The following PRPF40B variants were observed in gnomAD, a reference collection of about 807,000 sequenced individuals.
PRPF40B encodes the protein pre-mRNA processing factor 40B.
PRPF40B carries 56 observed loss-of-function variants against 124.5 expected under a neutral mutation model. That is an observed-to-expected ratio of 0.45 (90% CI 0.36 to 0.56). The LOEUF is 0.56. Ranked by LOEUF, PRPF40B falls within the 20% of genes least tolerant of loss-of-function variation. The pLI is 0.00. For missense variants in PRPF40B, 1,053 were observed against 1,169.5 expected, an observed-to-expected ratio of 0.90 and a Z score of 1.45; for synonymous variants, 443 against 426.4, an observed-to-expected ratio of 1.04 and a Z score of -0.48.
Position 49,635,753 on chromosome 12 carries a change from C to T in PRPF40B, c.1276-90C>T. Reference sequence around the variant, plus strand: ...AGTATGGCCTTCTTCCTAGGGTTCCCTAGCTACCTTTCCCCAGGTCCTCCT... The same window carrying T: ...AGTATGGCCTTCTTCCTAGGGTTCCTTAGCTACCTTTCCCCAGGTCCTCCT... On this transcript the variant is annotated intron_variant, in intron 14 of 25. Transcript: ENST00000548825. The surrounding 1 kb of genome is among the most constrained non-coding windows in gnomAD (Gnocchi z 4.1). 3 of 1,515,700 alleles carry T rather than the reference C, an allele frequency of 2.0e-6. No homozygotes were observed. Among genetic ancestry groups the T allele is most frequent in the Non-Finnish European group, 2.7e-6 (3 of 1,113,348 alleles). The allele number at this position is 1,515,700 out of a possible 1,614,324, so 93.9% of individuals were successfully genotyped here. A position where few individuals can be genotyped will look rare whatever the true frequency, so the allele number is the denominator to read the frequency against.
intron 4 of PRPF40B, chr12:49,632,316 A>G (rs1941300075): frequency 1.8e-6 from 1 of 567,774 alleles, no homozygotes; most frequent in African/African-American, 1.9e-5. Flanking sequence ...TCTGGGTAGG[A>G]TATAGAATTT....
In PRPF40B at chr12:49,642,416, G is replaced by A; in HGVS notation, c.2022+44G>A. ...CCCCAAGCACCCCTCAAGCCTGAGG[G>A]CAGCGGTGCTTCACCACTGAGGGCC... On this transcript the variant is annotated intron_variant, in intron 20 of 25. Transcript: ENST00000548825. The surrounding 1 kb of genome is among the most constrained non-coding windows in gnomAD (Gnocchi z 5.8). 2 of 1,605,038 alleles carry A rather than the reference G, an allele frequency of 1.2e-6. No individual in the cohort carries two copies. Among genetic ancestry groups the A allele is most frequent in the Non-Finnish European group, 1.7e-6 (2 of 1,173,422 alleles).
chr12:49,631,359 A>T lies in PRPF40B; in HGVS notation c.85-42A>T, dbSNP rs1941204137. 7.0e-7 allele frequency: 1 copy of T among 1,435,250 alleles called. No homozygotes were observed. Among genetic ancestry groups the T allele is most frequent in the Non-Finnish European group, 9.3e-7 (1 of 1,079,736 alleles). The allele number at this position is 1,435,250 out of a possible 1,614,324, so 88.9% of individuals were successfully genotyped here. A position where few individuals can be genotyped will look rare whatever the true frequency, so the allele number is the denominator to read the frequency against. On this transcript the variant is annotated intron_variant, in intron 2 of 25. Coordinates refer to ENST00000548825, the MANE Select transcript of PRPF40B (RefSeq NM_001031698.3). This position sits in a 1 kb window ranked among gnomAD's most constrained non-coding sequence, Gnocchi z 4.3. Reference sequence around the variant, plus strand: ...GGTCCTCTCTACCTCTGACAAGGCGATGTCTTCCCTGCTCAGTATCTCTTC... The same window carrying T: ...GGTCCTCTCTACCTCTGACAAGGCGTTGTCTTCCCTGCTCAGTATCTCTTC...
Position 49,643,262 on chromosome 12 carries a change from C to G in PRPF40B, c.2245C>G (p.Leu749Val), listed in dbSNP as rs376434775. Residue 749 changes from leucine to valine, a missense_variant, in exon 23 of 26, where the codon CTC becomes GTC. This residue lies in a region of PRPF40B where 895 missense variants were observed against 1,052.2 expected (regional missense o/e 0.85). Transcript: ENST00000548825. ...SEEEELPPPS[L>V]RPPKRRRRNP... ...AGAAGAGGAGCTGCCCCCACCATCT[C>G]TCCGGCCCCCCAAGCGGAGGAGGCG... is the stretch of plus-strand genomic sequence containing the variant. 20 of 1,614,118 alleles carry G rather than the reference C, an allele frequency of 1.2e-5. No individual in the cohort carries two copies. The highest frequency in any genetic ancestry group is 1.7e-5 in the Non-Finnish European group (20 of 1,180,036).
In PRPF40B at chr12:49,635,360, C is replaced by T. The variant is rs1016788175; in HGVS notation, c.1167-5C>T. Reference sequence around the variant, plus strand: ...CTACCTACTCACAGCTTATATGCTCCACAGGCGGGCAGAACAGACCTTTGG... The same window carrying T: ...CTACCTACTCACAGCTTATATGCTCTACAGGCGGGCAGAACAGACCTTTGG... On this transcript the variant is annotated splice_polypyrimidine_tract_variant and splice_region_variant and intron_variant, in intron 13 of 25. Transcript: ENST00000548825. The surrounding 1 kb of genome is among the most constrained non-coding windows in gnomAD (Gnocchi z 4.1). 1.2e-6 allele frequency: 2 copies of T among 1,612,618 alleles called. No individual in the cohort carries two copies. The highest frequency in any genetic ancestry group is 1.7e-6 in the Non-Finnish European group (2 of 1,179,262).
rs368213608 is a variant in PRPF40B at position 49,643,695 on chromosome 12, T to C, written c.2385T>C (p.His795=). 1.9e-6 allele frequency: 3 copies of C among 1,614,040 alleles called. No homozygotes were observed. Among genetic ancestry groups the C allele is most frequent in the Non-Finnish European group, 2.5e-6 (3 of 1,179,980 alleles). Residue 795 remains histidine (H), a synonymous_variant, in exon 24 of 26, where the codon CAT becomes CAC. Coordinates refer to ENST00000548825, the MANE Select transcript of PRPF40B (RefSeq NM_001031698.3). ...SPSSHLLGAD[H]GLRKAKKPKK... is the part of the protein sequence containing the mutation. Reference sequence around the variant, plus strand: ...TAGGGATTTTTCTATCTCTAGATCATGGCCTTCGGAAAGCCAAGAAACCAA... The same window carrying C: ...TAGGGATTTTTCTATCTCTAGATCACGGCCTTCGGAAAGCCAAGAAACCAA...
rs148071391 is a variant in PRPF40B at position 49,635,929 on chromosome 12, G to A, written c.1362G>A (p.Thr454=). Reference sequence around the variant, plus strand: ...TGAGTAGTGTCAACTTCCAAACCACGTGGTCCCAGGCCCAGCAGTACCTCA... The same window carrying A: ...TGAGTAGTGTCAACTTCCAAACCACATGGTCCCAGGCCCAGCAGTACCTCA... ...DGMSSVNFQT[T]WSQAQQYLMD... Residue 454 remains threonine, a synonymous_variant, in exon 15 of 26, where the codon ACG becomes ACA. Coordinates refer to ENST00000548825, the MANE Select transcript of PRPF40B (RefSeq NM_001031698.3). This position sits in a 1 kb window ranked among gnomAD's most constrained non-coding sequence, Gnocchi z 4.1. The A allele has an allele frequency of 2.1e-3, 3,346 of 1,614,016 alleles. 33 individuals are homozygous for A. The highest frequency in any genetic ancestry group is 0.012 in the South Asian group (1,090 of 91,070).
Position 49,637,376 on chromosome 12 carries a change from C to T in PRPF40B, c.1561-94C>T, listed in dbSNP as rs1471694374. On this transcript the variant is annotated intron_variant, in intron 16 of 25. Coordinates refer to ENST00000548825, the MANE Select transcript of PRPF40B (RefSeq NM_001031698.3). ...TGCATTTCCTCAATCTTGATTGTCC[C>T]TGCCTCTTCCTCTGCCATTCCCTCT... 5 of 808,842 alleles carry T rather than the reference C, an allele frequency of 6.2e-6. No individual in the cohort carries two copies. In the East Asian group the frequency reaches 7.8e-5, roughly 13 times the overall value. 50.1% of individuals were successfully genotyped at this position (808,842 alleles called of 1,614,324 possible).
rs374615782 is a variant in PRPF40B at position 49,642,298 on chromosome 12, C to T, written c.1948C>T (p.Arg650Cys). 1.1e-5 allele frequency: 18 copies of T among 1,614,076 alleles called. No individual in the cohort carries two copies. The Admixed American group carries it at 2.0e-4, about 18-fold the overall frequency. Residue 650 changes from arginine (R) to cysteine (C), a missense_variant, in exon 20 of 26, where the codon CGC becomes TGC. By Grantham distance (180) the Arg-to-Cys change is radical. Coordinates refer to ENST00000548825, the MANE Select transcript of PRPF40B (RefSeq NM_001031698.3). The surrounding 1 kb of genome is among the most constrained non-coding windows in gnomAD (Gnocchi z 5.8). ...GAAGGAGGAGGCACGCAGGATGCGG[C>T]GCAGGGAAGCTGCCTTTCGAAGCAT... ...REKEEARRMR[R>C]REAAFRSMLR...
intron 18 of PRPF40B, chr12:49,641,168 TTG>T (rs1317543833): frequency 1.3e-5 from 2 of 152,196 alleles, no homozygotes; most frequent in Non-Finnish European, 2.9e-5. Flanking sequence ...CACTGGAATG[TTG>T]TGAGGCCTAA....
chr12:49,627,404 G>A (rs1056138051), intron 1 of PRPF40B, among the ~76,000 whole-genome samples: 3 of 152,270 alleles, frequency 2.0e-5, no homozygotes, highest in East Asian at 3.9e-4. Flanking sequence ...ATAAAAGCGG[G>A]CTCTGACTAG....
upstream of PRPF40B, chr12:49,623,467 G>A: frequency 9.1e-7 from 1 of 1,095,306 alleles, no homozygotes; most frequent in Non-Finnish European, 1.2e-6. Flanking sequence ...GGAGCCACCG[G>A]AGCCCCGGCC....
chr12:49,632,829 G>A, intron 5 of PRPF40B, 26 bp from the exon 6 acceptor site: 1 of 1,614,036 alleles, frequency 6.2e-7, no homozygotes, highest in Non-Finnish European at 8.5e-7. Context: ...CAAGGACTTA[G>A]TATGTATCCT....
intron 12 of PRPF40B, 193 bp downstream of exon 12, chr12:49,634,795 C>T (rs115019421): frequency 2.6e-5 from 17 of 658,668 alleles, no homozygotes; most frequent in South Asian, 2.2e-4. Flanking sequence ...TGACACAACA[C>T]GTTCAATAAA....
chr12:49,633,077 A>G lies in PRPF40B; in HGVS notation c.412A>G (p.Lys138Glu). The part of the protein sequence containing the change: ...GRIYYYNADD[K>E]QSVWEKPSVL... ...CATCTACTACTACAATGCTGACGAC[A>G]AGCAGTCCGTGTGGGAGAAGCCCAG... The change falls in exon 7 of 26, where the codon AAG becomes GAG. Residue 138 changes from lysine to glutamate, a missense_variant. Around this residue, in one of 2 missense-constraint regions of PRPF40B, gnomAD observed 895 missense variants for 1,052.2 expected, o/e 0.85. Transcript: ENST00000548825. 6.3e-7 allele frequency: 1 copy of G among 1,599,064 alleles called. No homozygotes were observed. Among genetic ancestry groups the G allele is most frequent in the Non-Finnish European group, 8.5e-7 (1 of 1,175,616 alleles).
At chr12:49,638,795 A>G (rs1022280063) in intron 18 of PRPF40B, 1 of 152,168 alleles carries the variant, frequency 6.6e-6, no homozygotes, top group African/African-American at 2.4e-5. Flanking sequence ...TTCCTCATCT[A>G]AAAAATGGTG....
chr12:49,635,479 G>T lies in PRPF40B; in HGVS notation c.1275+6G>T. 1 of 1,611,050 alleles carries T rather than the reference G, an allele frequency of 6.2e-7. No homozygotes were observed. Among genetic ancestry groups the T allele is most frequent in the South Asian group, 1.1e-5 (1 of 90,632 alleles). ...TCCTGGCCAAGAAGGAGAAGGTAATGGTCCCTGGGCAGAATCCTTCAGCCC... is the reference window on the plus strand; with the variant it reads ...TCCTGGCCAAGAAGGAGAAGGTAATTGTCCCTGGGCAGAATCCTTCAGCCC... On this transcript the variant is annotated splice_donor_region_variant and intron_variant, in intron 14 of 25. Transcript: ENST00000548825. This position sits in a 1 kb window ranked among gnomAD's most constrained non-coding sequence, Gnocchi z 4.1.
At chr12:49,643,449 G>C (rs1942935911) in intron 23 of PRPF40B, 52 bp downstream of exon 23, 5 of 1,519,952 alleles carry the variant, frequency 3.3e-6, no homozygotes, top group Non-Finnish European at 4.4e-6. Context: ...CCCAGACTGA[G>C]AGGATGCCCT....
chr12:49,623,959 C>G, intron 1 of PRPF40B: 1 of 1,088,508 alleles, frequency 9.2e-7, no homozygotes, highest in African/African-American at 1.6e-5. Flanking sequence ...CCAGTTTCCC[C>G]TCCTGGGATA....
Sources: allele counts gnomAD v4.1 joint callset (sites outside exome capture counted in the v4.1 genomes callset), GRCh38; gene constraint gnomAD v4.1.1; regional missense constraint gnomAD v4.1.1; non-coding constraint Gnocchi (gnomAD v3.1); transcripts MANE v1.5; gene names NCBI Gene and HGNC (gene_info 2026-07-23, HGNC 2026-07-21).